PRKN: variants seen among roughly 807,000 people sequenced by gnomAD.
PRKN encodes the protein parkin RBR E3 ubiquitin protein ligase, also known as E3 ubiquitin-protein ligase parkin.
Under a neutral mutation model 59.5 loss-of-function variants are expected in PRKN, and 56 were observed. That is an observed-to-expected ratio of 0.94 (90% CI 0.76 to 1.18). The LOEUF (loss-of-function observed/expected upper bound fraction) is 1.18. Among genes scored for constraint, PRKN ranks in the 50% most tolerant of loss-of-function variants. The pLI, the probability that PRKN is intolerant of heterozygous loss-of-function variation, is 0.00. For missense variants in PRKN, 657 were observed against 596.4 expected (o/e 1.10, Z -1.06); for synonymous variants, 250 against 222.1 (o/e 1.13, Z -1.12).
chr6:162,658,640 G>A (rs1778749584), intron 1 of PRKN, among the ~76,000 whole-genome samples: 5 of 138,078 alleles, frequency 3.6e-5, no homozygotes, highest in Admixed American at 7.7e-5. Flanking sequence ...CAGCCTGGGC[G>A]ACAGAGTGAG....
At chr6:162,612,804 G>C (rs759634739) in intron 1 of PRKN, among the ~76,000 whole-genome samples, 60 of 151,976 alleles carry the variant, frequency 3.9e-4, no homozygotes, top group Non-Finnish European at 3.7e-4. Flanking sequence ...CCTAGGGAGG[G>C]TGCAGCTTCC....
chr6:161,950,950 T>A (rs1230096333), intron 6 of PRKN, among the ~76,000 whole-genome samples: 1 of 126,716 alleles, frequency 7.9e-6, no homozygotes, highest in Non-Finnish European at 1.7e-5. Flanking sequence ...TCCAGGGGCA[T>A]TGAGCCATGT....
chr6:161,361,954 G>C lies in PRKN; in HGVS notation c.1168-1749C>G, dbSNP rs887534251. 6.6e-6 allele frequency among the ~76,000 whole-genome samples: 1 copy of C among 151,942 alleles called. No individual in the cohort carries two copies. Among genetic ancestry groups the C allele is most frequent in the African/African-American group, 2.4e-5 (1 of 41,346 alleles). ...GGGTGGTCCTAACCGTCAGTGACACGTGGCAAACACCCATCCCCCCACCGA... is the reference window on the plus strand; with the variant it reads ...GGGTGGTCCTAACCGTCAGTGACACCTGGCAAACACCCATCCCCCCACCGA... On this transcript the variant is annotated intron_variant, in intron 10 of 11. Transcript: ENST00000366898. The surrounding 1 kb of genome is among the most constrained non-coding windows in gnomAD (Gnocchi z 5.2).
chr6:161,770,319 G>T (rs1385204485), intron 7 of PRKN, among the ~76,000 whole-genome samples: 1 of 152,032 alleles, frequency 6.6e-6, no homozygotes, highest in African/African-American at 2.4e-5. Flanking sequence ...CTGAACTTGG[G>T]GGTGCTGAGT....
intron 2 of PRKN, among the ~76,000 whole-genome samples, chr6:162,329,426 A>C (rs572650064): frequency 6.6e-6 from 1 of 152,214 alleles, no homozygotes; most frequent in East Asian, 1.9e-4. Context: ...CTAAGGAGAG[A>C]TGTCAAAAAT....
intron 9 of PRKN, among the ~76,000 whole-genome samples, chr6:161,434,101 T>TA (rs1788773987): frequency 6.6e-6 from 1 of 152,142 alleles, no homozygotes; most frequent in Non-Finnish European, 1.5e-5. Context: ...ATGATGGACT[T>TA]AAACACTTGT....
intron 5 of PRKN, among the ~76,000 whole-genome samples, chr6:162,010,421 C>T (rs1163481788): frequency 2.4e-5 from 1 of 41,244 alleles, no homozygotes; most frequent in African/African-American, 1.3e-4. Flanking sequence ...ATGTAATATA[C>T]ATTTATAATA....
chr6:162,594,282 T>C (rs900935438), intron 1 of PRKN, among the ~76,000 whole-genome samples: 8 of 152,226 alleles, frequency 5.3e-5, no homozygotes, highest in Non-Finnish European at 1.0e-4. Flanking sequence ...TATTTTATCT[T>C]ACATATAAAT....
At chr6:161,911,274 T>C (rs1397491854) in intron 6 of PRKN, among the ~76,000 whole-genome samples, 5 of 152,150 alleles carry the variant, frequency 3.3e-5, no homozygotes, top group Non-Finnish European at 7.3e-5. Flanking sequence ...GCTGGCACAA[T>C]TGTCACAGTC....
At chr6:162,649,860 A>G (rs1341124311) in intron 1 of PRKN, among the ~76,000 whole-genome samples, 1 of 152,214 alleles carries the variant, frequency 6.6e-6, no homozygotes, top group African/African-American at 2.4e-5. Flanking sequence ...ACTTTGGTAC[A>G]TGAATATAAG....
intron 4 of PRKN, among the ~76,000 whole-genome samples, chr6:162,068,665 G>C (rs1046116962): frequency 6.6e-6 from 1 of 152,188 alleles, no homozygotes; most frequent in African/African-American, 2.4e-5. Flanking sequence ...AGTCAACAAG[G>C]AGAGGGTCTG....
chr6:162,061,908 A>G (rs1778120876), intron 4 of PRKN, among the ~76,000 whole-genome samples: 1 of 152,242 alleles, frequency 6.6e-6, no homozygotes. Flanking sequence ...ATTTTTGAAA[A>G]TGCCCATGTA....
chr6:161,367,328 G>T (rs1000386720), intron 10 of PRKN, among the ~76,000 whole-genome samples: 1 of 152,006 alleles, frequency 6.6e-6, no homozygotes, highest in African/African-American at 2.4e-5. Context: ...TGTTTTAGCC[G>T]GCAGGACAGC....
chr6:162,104,199 T>C (rs1227347900), intron 4 of PRKN, among the ~76,000 whole-genome samples: 1 of 152,044 alleles, frequency 6.6e-6, no homozygotes, highest in Non-Finnish European at 1.5e-5. Flanking sequence ...TACTTCAAGG[T>C]TGGTTGGAAG....
intron 9 of PRKN, among the ~76,000 whole-genome samples, chr6:161,437,281 T>A (rs1293228896): frequency 6.6e-6 from 1 of 152,168 alleles, no homozygotes; most frequent in African/African-American, 2.4e-5. Context: ...CTATCCCAGA[T>A]GGCTACTAAG....
rs1172042001 is a variant in PRKN at position 161,371,802 on chromosome 6, C to T, written c.1168-11597G>A. Among the ~76,000 whole-genome samples, 1 of 152,106 alleles carries T rather than the reference C, an allele frequency of 6.6e-6. No homozygotes were observed. The highest frequency in any genetic ancestry group is 2.1e-4 in the South Asian group (1 of 4,822). On this transcript the variant is annotated intron_variant, in intron 10 of 11. Transcript: ENST00000366898. The surrounding 1 kb of genome is among the most constrained non-coding windows in gnomAD (Gnocchi z 5.5). The stretch of plus-strand genomic sequence containing the variant: ...TACAGGCATGCACCACCCCACCTCG[C>T]TAATTTTTGTATTTTTAGTAGAGAT...
At chr6:161,830,315 G>A (rs1012718922) in intron 6 of PRKN, among the ~76,000 whole-genome samples, 4 of 151,070 alleles carry the variant, frequency 2.6e-5, no homozygotes, top group South Asian at 2.1e-4. Context: ...GCGGTGGCGC[G>A]ATCTTGGCTC....
intron 2 of PRKN, among the ~76,000 whole-genome samples, chr6:162,331,821 G>A (rs1454593953): frequency 3.3e-5 from 5 of 152,138 alleles, no homozygotes; most frequent in South Asian, 2.1e-4. Flanking sequence ...CCTCCGTAGC[G>A]GTGGGGTTAT....
At chr6:162,258,048 G>A (rs1420333798) in intron 3 of PRKN, among the ~76,000 whole-genome samples, 5 of 152,144 alleles carry the variant, frequency 3.3e-5, no homozygotes, top group Non-Finnish European at 5.9e-5. Flanking sequence ...TGGGGCTCAC[G>A]AGTTGCTGTC....
Sources: gnomAD v4.1 joint callset for allele counts (sites outside exome capture counted in the v4.1 genomes callset) on GRCh38, gnomAD v4.1.1 for gene constraint, Gnocchi (gnomAD v3.1) non-coding constraint, MANE v1.5 for transcripts, NCBI Gene and HGNC (gene_info 2026-07-23, HGNC 2026-07-21) for gene names.